The following CLEC16A variants were observed in gnomAD, a reference collection of about 807,000 sequenced individuals.
CLEC16A encodes protein CLEC16A.
In CLEC16A, 51 loss-of-function variants were observed where a neutral mutation model predicts 109.5. That is an observed-to-expected ratio of 0.47 (90% CI 0.37 to 0.59). The LOEUF (loss-of-function observed/expected upper bound fraction) is 0.59. Among genes scored for constraint, CLEC16A ranks in the 20% least tolerant of loss-of-function variants. The pLI is 0.00. For missense variants in CLEC16A, 1,339 were observed against 1,394.0 expected, an observed-to-expected ratio of 0.96 and a Z score of 0.63; for synonymous variants, 673 against 564.2, an observed-to-expected ratio of 1.19 and a Z score of -2.73.
At position 10,955,776 on chromosome 16, in the gene CLEC16A, A is replaced by G. The variant is rs562460396; in HGVS notation, c.81-2006A>G. Among the ~76,000 whole-genome samples the G allele has an allele frequency of 1.5e-3, 223 of 152,254 alleles. 1 individual carries two copies. Among genetic ancestry groups the G allele is most frequent in the African/African-American group, 5.2e-3 (215 of 41,546 alleles). ...AATCTGCCCTTCTCCCATATTGCCA[A>G]CGATGTCTTGTCACTGGCAGGGTGT... is the stretch of plus-strand genomic sequence containing the variant. On this transcript the variant is annotated intron_variant, in intron 1 of 23. Transcript: ENST00000409790.
At chr16:11,082,081 G>A (rs1289232498) in intron 19 of CLEC16A, among the ~76,000 whole-genome samples, 1 of 152,160 alleles carries the variant, frequency 6.6e-6, no homozygotes, top group African/African-American at 2.4e-5. Context: ...TCTGATTCAG[G>A]CCTCAAGTAT....
chr16:11,129,066 C>G (rs1200212520), intron 22 of CLEC16A, among the ~76,000 whole-genome samples: 1 of 152,194 alleles, frequency 6.6e-6, no homozygotes, highest in Non-Finnish European at 1.5e-5. Context: ...GAAGTTCCCC[C>G]AACCCCAAGC....
chr16:11,123,616 C>T (rs1420168254), intron 20 of CLEC16A, 126 bp from the exon 21 acceptor site: 6 of 892,088 alleles, frequency 6.7e-6, no homozygotes, highest in Admixed American at 2.2e-5. Context: ...GGGAGGCTGT[C>T]GATCTTAGAT....
intron 19 of CLEC16A, among the ~76,000 whole-genome samples, chr16:11,107,058 T>A (rs753711471): frequency 2.2e-4 from 34 of 151,882 alleles, no homozygotes; most frequent in Non-Finnish European, 4.6e-4. Flanking sequence ...GGCAGAGGGG[T>A]GTGGAGAGGC....
At chr16:11,080,593 G>T (rs1260378400) in intron 19 of CLEC16A, among the ~76,000 whole-genome samples, 2 of 152,226 alleles carry the variant, frequency 1.3e-5, no homozygotes, top group Admixed American at 1.3e-4. Context: ...TTACAGCTCT[G>T]GAGGTTAGAA....
chr16:11,138,766 G>A (rs968127821), intron 22 of CLEC16A, among the ~76,000 whole-genome samples: 4 of 152,080 alleles, frequency 2.6e-5, no homozygotes, highest in African/African-American at 9.7e-5. Context: ...GTTCGCAGGC[G>A]CACCCTCATT....
At chr16:11,052,883 TTTTGTTG>T (rs2048023321) in intron 18 of CLEC16A, among the ~76,000 whole-genome samples, 1 of 117,526 alleles carries the variant, frequency 8.5e-6, no homozygotes, top group Non-Finnish European at 1.7e-5. Flanking sequence ...CACTTTGCCT[TTTTGTTG>T]TTGTTGTTGT....
Position 10,953,203 on chromosome 16 carries a change from G to C in CLEC16A, c.81-4579G>C, listed in dbSNP as rs114646614. 2.5e-3 allele frequency among the ~76,000 whole-genome samples: 385 copies of C among 152,358 alleles called. 3 individuals are homozygous for C. The highest frequency in any genetic ancestry group is 8.6e-3 in the African/African-American group (359 of 41,582). On this transcript the variant is annotated intron_variant, in intron 1 of 23. Transcript: ENST00000409790. ...ATAGACAAATAGATCAATGAAACTG[G>C]AGTATCCAGAATGAGACCCACATGG...
At chr16:11,148,779 C>T (rs895304967) in intron 22 of CLEC16A, among the ~76,000 whole-genome samples, 6 of 152,218 alleles carry the variant, frequency 3.9e-5, no homozygotes, top group Admixed American at 1.3e-4. Flanking sequence ...AATGAGCCAA[C>T]GGCTGGCACC....
intron 12 of CLEC16A, chr16:11,024,564 A>T: frequency 2.5e-6 from 1 of 402,956 alleles, no homozygotes; most frequent in South Asian, 2.8e-5. Flanking sequence ...CTGTGTCTGG[A>T]ATACCTGGTG....
At chr16:10,993,107 C>A (rs1243203401) in intron 10 of CLEC16A, among the ~76,000 whole-genome samples, 1 of 152,032 alleles carries the variant, frequency 6.6e-6, no homozygotes, top group East Asian at 1.9e-4. Flanking sequence ...AGAAGATGAA[C>A]CTGGCTGGGC....
chr16:10,957,774 T>C lies in CLEC16A; in HGVS notation c.81-8T>C. On this transcript the variant is annotated splice_polypyrimidine_tract_variant and splice_region_variant and intron_variant, in intron 1 of 23. Transcript: ENST00000409790. The stretch of plus-strand genomic sequence containing the variant: ...ACCTTTAATTTCCTTTTCTCTCATT[T>C]CTCTCAGGTATCTGTACCACGTTTT... 4.3e-6 allele frequency: 7 copies of C among 1,613,752 alleles called. No homozygotes were observed. Among genetic ancestry groups the C allele is most frequent in the Non-Finnish European group, 5.9e-6 (7 of 1,179,730 alleles).
chr16:10,959,333 C>T (rs150006718), intron 2 of CLEC16A, among the ~76,000 whole-genome samples: 295 of 152,224 alleles, frequency 1.9e-3, no homozygotes, highest in African/African-American at 2.7e-3. Context: ...GCAGAACATG[C>T]GAGTCATGAA....
chr16:11,055,996 C>A (rs2048193866), intron 18 of CLEC16A, among the ~76,000 whole-genome samples: 1 of 152,090 alleles, frequency 6.6e-6, no homozygotes, highest in African/African-American at 2.4e-5. Context: ...GAATGATGAG[C>A]AAATAATATA....
At chr16:11,106,940 C>A (rs1046013654) in intron 19 of CLEC16A, among the ~76,000 whole-genome samples, 6 of 152,132 alleles carry the variant, frequency 3.9e-5, no homozygotes, top group African/African-American at 1.4e-4. Context: ...TGCACAGCTT[C>A]CCCTGCATTC....
intron 20 of CLEC16A, among the ~76,000 whole-genome samples, chr16:11,121,667 G>T (rs560347575): frequency 1.3e-5 from 2 of 151,782 alleles, no homozygotes; most frequent in African/African-American, 4.8e-5. Flanking sequence ...ATCACTTGAG[G>T]TCAGGAGTTC....
chr16:10,982,680 G>A (rs2043390975), intron 9 of CLEC16A, among the ~76,000 whole-genome samples, 198 bp from the exon 10 acceptor site: 1 of 152,228 alleles, frequency 6.6e-6, no homozygotes, highest in Non-Finnish European at 1.5e-5. Context: ...ATAGGCAACA[G>A]TCTGAAGGAG....
At chr16:11,160,948 C>G (rs1192926950) in intron 22 of CLEC16A, among the ~76,000 whole-genome samples, 2 of 152,156 alleles carry the variant, frequency 1.3e-5, no homozygotes, top group African/African-American at 4.8e-5. Context: ...ATCCCACATG[C>G]CACATTCATT....
chr16:10,945,434 G>A (rs1422014192), intron 1 of CLEC16A, among the ~76,000 whole-genome samples: 1 of 152,184 alleles, frequency 6.6e-6, no homozygotes, highest in Non-Finnish European at 1.5e-5. Context: ...GGAGGATGAT[G>A]AAAAATAGAG....
Sources: allele counts gnomAD v4.1 joint callset (sites outside exome capture counted in the v4.1 genomes callset), GRCh38; gene constraint gnomAD v4.1.1; transcripts MANE v1.5; gene names NCBI Gene and HGNC (gene_info 2026-07-23, HGNC 2026-07-21).